The following CSMD1 variants were observed in gnomAD, a reference collection of about 807,000 sequenced individuals.
CSMD1 encodes CUB and Sushi multiple domains 1, also known as CUB and sushi domain-containing protein 1.
Under a neutral mutation model 417.5 loss-of-function variants are expected in CSMD1, and 213 were observed. That is an observed-to-expected ratio of 0.51 (90% CI 0.46 to 0.57). The LOEUF is 0.57. Ranked by LOEUF, CSMD1 falls within the 20% of genes least tolerant of loss-of-function variation. The pLI, the probability that CSMD1 is intolerant of heterozygous loss-of-function variation, is 0.00. For synonymous variants in CSMD1, 2,862 were observed against 1,736.8 expected (o/e 1.65, Z -16.11); for missense variants, 6,923 against 4,529.7 (o/e 1.53, Z -15.17).
In CSMD1 at chr8:3,328,234, C is replaced by T. The variant is rs1435140014; in HGVS notation, c.3631+15060G>A. On this transcript the variant is annotated intron_variant, in intron 23 of 69. Transcript: ENST00000635120. ...CTGAGCCTCTAATCTGACAGTCTGC[C>T]TGTGTCCTACATTCCTGTAAGCATA... Among the ~76,000 whole-genome samples, 8 of 152,294 alleles carry T rather than the reference C, an allele frequency of 5.3e-5. No homozygotes were observed. In the East Asian group the frequency reaches 9.7e-4, roughly 18 times the overall value.
chr8:3,822,591 T>A (rs1424528357), intron 5 of CSMD1, among the ~76,000 whole-genome samples: 1 of 152,158 alleles, frequency 6.6e-6, no homozygotes, highest in Non-Finnish European at 1.5e-5. Context: ...ATTGGTAACT[T>A]TTTTCTCTGG....
In CSMD1 at chr8:3,306,997, G is replaced by A. The variant is rs147186802; in HGVS notation, c.3950+698C>T. On this transcript the variant is annotated intron_variant, in intron 25 of 69. Coordinates refer to ENST00000635120, the MANE Select transcript of CSMD1 (RefSeq NM_033225.6). ...TTTCTTTTATATGTGTTACTTTAGA[G>A]TACTTTCTTGGTCTACCTCAAAGTT... Among the ~76,000 whole-genome samples, 310 of 150,888 alleles carry A rather than the reference G, an allele frequency of 2.1e-3. 2 individuals carry two copies. Among genetic ancestry groups the A allele is most frequent in the African/African-American group, 7.0e-3 (289 of 41,178 alleles).
intron 3 of CSMD1, among the ~76,000 whole-genome samples, chr8:4,067,947 C>G (rs568384915): frequency 6.6e-6 from 1 of 151,984 alleles, no homozygotes; most frequent in African/African-American, 2.4e-5. Flanking sequence ...CATGGTGGTG[C>G]GCTCCTGTAA....
intron 57 of CSMD1, among the ~76,000 whole-genome samples, chr8:2,970,043 T>A (rs565380303): frequency 2.0e-5 from 3 of 152,200 alleles, no homozygotes; most frequent in East Asian, 1.9e-4. Context: ...AGTTTCTAAT[T>A]TTTTTTCATA....
chr8:4,155,604 G>C (rs1243378256), intron 3 of CSMD1, among the ~76,000 whole-genome samples: 3 of 152,146 alleles, frequency 2.0e-5, no homozygotes, highest in Non-Finnish European at 4.4e-5. Flanking sequence ...TTCAGATAGA[G>C]ACAAGGTTTG....
intron 38 of CSMD1, among the ~76,000 whole-genome samples, chr8:3,159,676 C>A (rs1214613327): frequency 6.6e-6 from 1 of 152,154 alleles, no homozygotes; most frequent in African/African-American, 2.4e-5. Context: ...CTTGCAAACT[C>A]AAAGCTTGGC....
chr8:4,963,221 G>C (rs965523119), intron 1 of CSMD1, among the ~76,000 whole-genome samples: 1 of 152,090 alleles, frequency 6.6e-6, no homozygotes, highest in Non-Finnish European at 1.5e-5. Context: ...TTTTATTTGA[G>C]ATGGAGTCTT....
rs1328585741 is a variant in CSMD1, at chr8:4,032,143, TC to T, written c.416-45del. On this transcript the variant is annotated intron_variant, in intron 3 of 69. Coordinates refer to ENST00000635120, the MANE Select transcript of CSMD1 (RefSeq NM_033225.6). ...AAAGGAGAAAAAACAAGTTAAATTT[TC>T]CATGGAGAGCCACTTATAAGATAAA... 5.4e-6 allele frequency: 8 copies of T among 1,472,118 alleles called. No individual in the cohort carries two copies. In the South Asian group the frequency reaches 9.8e-5, roughly 18 times the overall value. The allele number at this position is 1,472,118 out of a possible 1,614,324, so 91.2% of individuals were successfully genotyped here.
intron 3 of CSMD1, among the ~76,000 whole-genome samples, chr8:4,301,454 A>G (rs11991875): frequency 0.1 from 15,655 of 152,230 alleles, 2,258 homozygotes; most frequent in African/African-American, 0.33. Flanking sequence ...AACTCTTCAG[A>G]GACCAGAGTG....
intron 5 of CSMD1, among the ~76,000 whole-genome samples, chr8:3,785,765 C>G (rs1584995103): frequency 6.6e-6 from 1 of 151,968 alleles, no homozygotes; most frequent in East Asian, 1.9e-4. Flanking sequence ...CCTATGGTGC[C>G]CCAGGAACCT....
At chr8:4,729,602 A>G (rs1414452497) in intron 1 of CSMD1, among the ~76,000 whole-genome samples, 1 of 152,086 alleles carries the variant, frequency 6.6e-6, no homozygotes, top group Non-Finnish European at 1.5e-5. Context: ...AAAACAAAAG[A>G]CGTTAATCTG....
Position 4,132,929 on chromosome 8 carries a change from C to CATTT in CSMD1, c.416-100834_416-100831dup, listed in dbSNP as rs553757533. ...AAATCCTGAAGACTATGGTAAAAGT[C>CATTT]ATTTATTTATTTATTTATTTTTGAG... On this transcript the variant is annotated intron_variant, in intron 3 of 69. Coordinates refer to ENST00000635120, the MANE Select transcript of CSMD1 (RefSeq NM_033225.6). Among the ~76,000 whole-genome samples the CATTT allele has an allele frequency of 7.6e-3, 1,160 of 152,020 alleles. 7 individuals carry two copies. The highest frequency in any genetic ancestry group is 0.012 in the Non-Finnish European group (820 of 67,954).
rs1341200166 is a variant in CSMD1, at chr8:4,564,525, C to G, written c.302+72817G>C. Among the ~76,000 whole-genome samples the G allele has an allele frequency of 2.6e-5, 4 of 152,018 alleles. No homozygotes were observed. The South Asian group carries it at 8.3e-4, about 31-fold the overall frequency. ...TACTTTATCTATTATAATTGTGACT[C>G]GATGTTCGAAACAGAAGCATTCCAA... On this transcript the variant is annotated intron_variant, in intron 2 of 69. Transcript: ENST00000635120.
chr8:3,229,302 T>C (rs191814353), intron 27 of CSMD1, among the ~76,000 whole-genome samples: 1 of 152,338 alleles, frequency 6.6e-6, no homozygotes, highest in East Asian at 1.9e-4. Flanking sequence ...CTTAAAATAA[T>C]AAAGTTCAGT....
At chr8:4,545,941 CAGAA>C (rs748263709) in intron 2 of CSMD1, among the ~76,000 whole-genome samples, 1 of 152,114 alleles carries the variant, frequency 6.6e-6, no homozygotes, top group South Asian at 2.1e-4. Flanking sequence ...TATTCTTTCT[CAGAA>C]AGAAACTTTC....
At chr8:3,812,577 G>A (rs899241149) in intron 5 of CSMD1, among the ~76,000 whole-genome samples, 1 of 152,142 alleles carries the variant, frequency 6.6e-6, no homozygotes, top group African/African-American at 2.4e-5. Context: ...TTGCTTATGA[G>A]GAAATAAATA....
intron 2 of CSMD1, among the ~76,000 whole-genome samples, chr8:4,458,403 G>T (rs1398777019): frequency 1.3e-5 from 2 of 152,082 alleles, no homozygotes. Flanking sequence ...AGTTTATGGG[G>T]ATTATTGGCA....
rs1025965338 is a variant in CSMD1, at chr8:4,170,300, C to T, written c.416-138201G>A. Among the ~76,000 whole-genome samples the T allele has an allele frequency of 2.6e-5, 4 of 151,764 alleles. 1 individual carries two copies. Among genetic ancestry groups the T allele is most frequent in the South Asian group, 2.1e-4 (1 of 4,824 alleles). On this transcript the variant is annotated intron_variant, in intron 3 of 69. Coordinates refer to ENST00000635120, the MANE Select transcript of CSMD1 (RefSeq NM_033225.6). ...TAGAGTCTATGAATTTAAGCATTTG[C>T]GTCTCAATGATATAAAAAGTAACAA...
In CSMD1 at chr8:3,111,435, C is replaced by T. The variant is rs529575630; in HGVS notation, c.6431-1100G>A. Among the ~76,000 whole-genome samples the T allele has an allele frequency of 5.3e-5, 8 of 152,206 alleles. No homozygotes were observed. In the East Asian group the frequency reaches 1.5e-3, roughly 29 times the overall value. On this transcript the variant is annotated intron_variant, in intron 42 of 69. Coordinates refer to ENST00000635120, the MANE Select transcript of CSMD1 (RefSeq NM_033225.6). ...AAGTGAGGTTTGGAGTCAGACAAAC[C>T]TGGATTTGTAAGCTGGAGAAGCAAA...
Sources: gnomAD v4.1 joint callset for allele counts (sites outside exome capture counted in the v4.1 genomes callset) on GRCh38, gnomAD v4.1.1 for gene constraint, MANE v1.5 for transcripts, NCBI Gene and HGNC (gene_info 2026-07-23, HGNC 2026-07-21) for gene names.